The following ZFYVE9 variants were observed in gnomAD, a reference collection of about 807,000 sequenced individuals.
The protein encoded by ZFYVE9 is zinc finger FYVE-type containing 9, also known as zinc finger FYVE domain-containing protein 9.
In ZFYVE9, 43 loss-of-function variants were observed where a neutral mutation model predicts 126.7. The observed-to-expected ratio is 0.34, with a 90% CI of 0.27 to 0.44. ZFYVE9 has a LOEUF of 0.44. Ranked by LOEUF, ZFYVE9 falls within the 20% of genes least tolerant of loss-of-function variation. The pLI is 1.00. For synonymous variants in ZFYVE9, 521 were observed against 597.4 expected (o/e 0.87, Z 1.87); for missense variants, 1,476 against 1,697.0 (o/e 0.87, Z 2.29).
rs1572063721 is a variant in ZFYVE9, at chr1:52,160,625, A to G, written c.-143+18222A>G. On this transcript the variant is annotated intron_variant, in intron 1 of 18. Coordinates refer to ENST00000287727, the MANE Select transcript of ZFYVE9 (RefSeq NM_004799.4). ...CATAGAGTCGGGCACCGTGTTAGCC[A>G]GGATGGTGTTGATCTCCTGACCTCG... The G allele has an allele frequency of 4.4e-6, 3 of 677,700 alleles. No individual in the cohort carries two copies. In the East Asian group the frequency reaches 7.5e-5, roughly 17 times the overall value. 42.0% of individuals were successfully genotyped at this position (677,700 alleles called of 1,614,324 possible).
chr1:52,234,447 T>G (rs1349389925), intron 3 of ZFYVE9, among the ~76,000 whole-genome samples: 2 of 152,096 alleles, frequency 1.3e-5, no homozygotes, highest in East Asian at 3.9e-4. Flanking sequence ...GATGACAGAG[T>G]GAGACCCTGT....
intron 13 of ZFYVE9, among the ~76,000 whole-genome samples, chr1:52,323,414 TCTC>T (rs538691718): frequency 2.4e-4 from 36 of 152,320 alleles, no homozygotes; most frequent in East Asian, 2.3e-3. Context: ...ATTGTTTTTG[TCTC>T]CTCCTCCTAC....
At chr1:52,242,307 C>T (rs1192301981) in intron 4 of ZFYVE9, among the ~76,000 whole-genome samples, 3 of 152,172 alleles carry the variant, frequency 2.0e-5, no homozygotes, top group Non-Finnish European at 4.4e-5. Context: ...GCTGGGATTA[C>T]AGACATGAGC....
At chr1:52,160,281 G>A (rs1345553283) in intron 1 of ZFYVE9, 26 of 950,376 alleles carry the variant, frequency 2.7e-5, no homozygotes, top group Non-Finnish European at 4.0e-5. Context: ...ACAACAGTTC[G>A]AATGCTCTTT....
intron 2 of ZFYVE9, among the ~76,000 whole-genome samples, chr1:52,226,026 G>A (rs768172612): frequency 2.0e-5 from 3 of 152,210 alleles, no homozygotes; most frequent in Non-Finnish European, 4.4e-5. Flanking sequence ...TTATAGTCCA[G>A]CTTGAGGAGG....
At chr1:52,217,409 A>C (rs1189321726) in intron 2 of ZFYVE9, among the ~76,000 whole-genome samples, 1 of 152,204 alleles carries the variant, frequency 6.6e-6, no homozygotes, top group Non-Finnish European at 1.5e-5. Context: ...AAGTCGTCCC[A>C]ACAATTTCCC....
intron 13 of ZFYVE9, among the ~76,000 whole-genome samples, chr1:52,325,205 G>A (rs1016724481): frequency 6.6e-5 from 10 of 152,138 alleles, no homozygotes; most frequent in Non-Finnish European, 1.5e-4. Context: ...TGTGAACCCG[G>A]GAGGCAGAGC....
intron 2 of ZFYVE9, 136 bp from the exon 3 acceptor site, chr1:52,233,035 T>C (rs992678): frequency 0.019 from 5,793 of 299,492 alleles, 160 homozygotes; most frequent in East Asian, 0.097. Flanking sequence ...TCTTATAATA[T>C]ATCCAGTGGG....
At chr1:52,226,846 A>G (rs977822091) in intron 2 of ZFYVE9, among the ~76,000 whole-genome samples, 12 of 152,230 alleles carry the variant, frequency 7.9e-5, no homozygotes, top group African/African-American at 2.9e-4. Context: ...AAATGATTGC[A>G]TTCTTTTGAA....
Position 52,238,383 on chromosome 1 carries a change from G to T in ZFYVE9, c.966G>T (p.Glu322Asp), listed in dbSNP as rs781594598. The T allele has an allele frequency of 1.2e-6, 2 of 1,613,862 alleles. No individual in the cohort carries two copies. Among genetic ancestry groups the T allele is most frequent in the South Asian group, 2.2e-5 (2 of 91,078 alleles). The change falls in exon 4 of 19, where the codon GAG becomes GAT. Residue 322 changes from glutamate (E) to aspartate (D), a missense_variant. Physicochemically the swap from Glu to Asp is conservative, Grantham distance 45. Around this residue, in one of 2 missense-constraint regions of ZFYVE9, gnomAD observed 807 missense variants for 794.6 expected, o/e 1.02. Coordinates refer to ENST00000287727, the MANE Select transcript of ZFYVE9 (RefSeq NM_004799.4). Reference sequence around the variant, plus strand: ...GTGAGGGGATTTTGATGAAAAAAGAGCCAGCAGAGGAGAGCACCACTGAAG... The same window carrying T: ...GTGAGGGGATTTTGATGAAAAAAGATCCAGCAGAGGAGAGCACCACTGAAG... ...HMSEGILMKK[E>D]PAEESTTEES...
At chr1:52,217,672 A>G (rs188433180) in intron 2 of ZFYVE9, among the ~76,000 whole-genome samples, 15 of 152,226 alleles carry the variant, frequency 9.9e-5, no homozygotes, top group East Asian at 3.9e-4. Flanking sequence ...AGTCCCTTCC[A>G]TTTTCCAAAC....
At chr1:52,224,424 G>A (rs143823849) in intron 2 of ZFYVE9, among the ~76,000 whole-genome samples, 193 of 152,288 alleles carry the variant, frequency 1.3e-3, no homozygotes, top group African/African-American at 4.2e-3. Context: ...TAGGTAGGTC[G>A]TCTTTGGGAG....
At chr1:52,280,685 G>A (rs1256871052) in intron 9 of ZFYVE9, among the ~76,000 whole-genome samples, 1 of 152,056 alleles carries the variant, frequency 6.6e-6, no homozygotes, top group Non-Finnish European at 1.5e-5. Context: ...TGAAGGAGTG[G>A]AACTAAGTAG....
rs1644391776 is a variant in ZFYVE9, at chr1:52,155,245, T to C, written c.-143+12842T>C. 2.0e-5 allele frequency among the ~76,000 whole-genome samples: 3 copies of C among 148,664 alleles called. No homozygotes were observed. The South Asian group carries it at 6.4e-4, about 32-fold the overall frequency. On this transcript the variant is annotated intron_variant, in intron 1 of 18. Coordinates refer to ENST00000287727, the MANE Select transcript of ZFYVE9 (RefSeq NM_004799.4). The stretch of plus-strand genomic sequence containing the variant: ...TTTTTCTTTTTTTTCTTTTTTTTTT[T>C]TTTTTTTTGAGACGGAGTCTCGCTG...
At position 52,198,130 on chromosome 1, in the gene ZFYVE9, T is replaced by TTG. The variant is rs1164757588; in HGVS notation, c.-142-18238_-142-18237insGT. On this transcript the variant is annotated intron_variant, in intron 1 of 18. Transcript: ENST00000287727. ...GTAGTGTTTTTTTTTGTTTGTTTTT[T>TTG]TTTTTTTTTGAGATGGAGTCTCACT... Among the ~76,000 whole-genome samples the TTG allele has an allele frequency of 4.9e-4, 67 of 136,380 alleles. 3 individuals are homozygous for TTG. The highest frequency in any genetic ancestry group is 7.0e-4 in the Non-Finnish European group (44 of 63,238). 89.5% of individuals were successfully genotyped at this position (136,380 alleles called of 152,430 possible).
At chr1:52,195,264 G>A (rs568865945) in intron 1 of ZFYVE9, among the ~76,000 whole-genome samples, 11 of 152,312 alleles carry the variant, frequency 7.2e-5, no homozygotes, top group Admixed American at 6.5e-4. Context: ...GTGAAAAGAG[G>A]TAAAGGAGGA....
rs181000409 is a variant in ZFYVE9, at chr1:52,151,640, C to T, written c.-143+9237C>T. 2.9e-3 allele frequency among the ~76,000 whole-genome samples: 437 copies of T among 150,634 alleles called. 2 individuals are homozygous for T. Among genetic ancestry groups the T allele is most frequent in the Non-Finnish European group, 5.2e-3 (348 of 67,434 alleles). ...AAGCAATTCTCCTGCCTCAGCCTCC[C>T]GAGTAGCTGGGACTACAGGCACCCA... On this transcript the variant is annotated intron_variant, in intron 1 of 18. Coordinates refer to ENST00000287727, the MANE Select transcript of ZFYVE9 (RefSeq NM_004799.4).
In ZFYVE9 at chr1:52,337,952, C is replaced by T; in HGVS notation, c.3833+18C>T. ...AGCAAGGGGTAAATGCAGCACATGTCCCCCTTTGTGGCTTTTAGTTATAGG... is the reference window on the plus strand; with the variant it reads ...AGCAAGGGGTAAATGCAGCACATGTTCCCCTTTGTGGCTTTTAGTTATAGG... On this transcript the variant is annotated intron_variant, in intron 16 of 18. Transcript: ENST00000287727. 4.3e-6 allele frequency: 7 copies of T among 1,610,854 alleles called. No individual in the cohort carries two copies. Among genetic ancestry groups the T allele is most frequent in the South Asian group, 2.2e-5 (2 of 90,588 alleles).
intron 7 of ZFYVE9, 123 bp downstream of exon 7, chr1:52,268,755 C>A: frequency 3.4e-6 from 4 of 1,164,366 alleles, no homozygotes; most frequent in South Asian, 1.8e-5. Context: ...TATACGTGCA[C>A]ATATATGGAT....
Sources: gnomAD v4.1 joint callset for allele counts (sites outside exome capture counted in the v4.1 genomes callset) on GRCh38, gnomAD v4.1.1 for gene constraint, gnomAD v4.1.1 regional missense constraint, MANE v1.5 for transcripts, NCBI Gene and HGNC (gene_info 2026-07-23, HGNC 2026-07-21) for gene names.